The following ATP1A2 variants were observed in gnomAD, a reference collection of about 807,000 sequenced individuals.
ATP1A2 encodes the protein ATPase Na+/K+ transporting subunit alpha 2.
In ATP1A2, 56 loss-of-function variants were observed where a neutral mutation model predicts 113.1. That is an observed-to-expected ratio of 0.49 (90% CI 0.40 to 0.62). The LOEUF (loss-of-function observed/expected upper bound fraction) is 0.62. ATP1A2 is among the 20% of genes least tolerant of loss of function. The probability of loss-of-function intolerance (pLI) is 0.00; values close to 1 mark genes in which losing one functional copy is unlikely to be tolerated. For synonymous variants in ATP1A2, 490 were observed against 526.8 expected (o/e 0.93, Z 0.96); for missense variants, 712 against 1,357.8 (o/e 0.52, Z 7.47).
chr1:160,137,424 C>T (rs1275232650), intron 20 of ATP1A2, among the ~76,000 whole-genome samples: 2 of 152,124 alleles, frequency 1.3e-5, no homozygotes, highest in Non-Finnish European at 2.9e-5. Context: ...CACGTGCTGC[C>T]GAGGGTCGGG....
intron 7 of ATP1A2, among the ~76,000 whole-genome samples, chr1:160,126,283 G>C (rs1017692032): frequency 6.6e-6 from 1 of 152,164 alleles, no homozygotes; most frequent in South Asian, 2.1e-4. Flanking sequence ...TTATAATACC[G>C]AGTGCAATGT....
intron 1 of ATP1A2, among the ~76,000 whole-genome samples, chr1:160,119,256 CAAAAAAA>C (rs386368465): frequency 0.24 from 11,868 of 49,134 alleles, 634 homozygotes; most frequent in South Asian, 0.48. Flanking sequence ...CATTATCCTG[CAAAAAAA>C]AAAAAAAAAA....
intron 6 of ATP1A2, 94 bp downstream of exon 6, chr1:160,124,524 C>A: frequency 6.5e-7 from 1 of 1,537,554 alleles, no homozygotes. Context: ...GGTGGAGAGA[C>A]CCAGGTCCAA....
intron 12 of ATP1A2, 31 bp from the exon 13 acceptor site, chr1:160,130,391 G>T: frequency 6.2e-7 from 1 of 1,614,188 alleles, no homozygotes; most frequent in Non-Finnish European, 8.5e-7. Flanking sequence ...CCACTCTGCG[G>T]ATCTCACTGA....
chr1:160,139,644 A>G lies in ATP1A2; in HGVS notation c.2845A>G (p.Lys949Glu). The change falls in exon 21 of 23, where the codon AAG (lysine) becomes GAG (glutamate). Residue 949 changes from lysine to glutamate, a missense_variant. Physicochemically the swap from Lys to Glu is moderately conservative, Grantham distance 56 (BLOSUM62 1). Around this residue, in one of 6 missense-constraint regions of ATP1A2, gnomAD observed 188 missense variants for 438.9 expected, o/e 0.43. Transcript: ENST00000361216. ...NSVFQQGMKN[K>E]ILIFGLLEET... is the part of the protein sequence containing the mutation. Reference sequence around the variant, plus strand: ...CCTCCTTTCTTTGCCTTTCAGGAACAAGATCCTGATTTTTGGGCTCCTGGA... The same window carrying G: ...CCTCCTTTCTTTGCCTTTCAGGAACGAGATCCTGATTTTTGGGCTCCTGGA... The G allele has an allele frequency of 6.2e-7, 1 of 1,614,076 alleles. No homozygotes were observed. Among genetic ancestry groups the G allele is most frequent in the Non-Finnish European group, 8.5e-7 (1 of 1,179,958 alleles).
intron 6 of ATP1A2, among the ~76,000 whole-genome samples, chr1:160,124,668 A>T (rs1321655): frequency 1.4e-4 from 21 of 152,332 alleles, no homozygotes; most frequent in African/African-American, 4.6e-4. Context: ...TTTAGCAATC[A>T]TGTATTGAAT....
chr1:160,135,620 G>T lies in ATP1A2; in HGVS notation c.2284+18G>T, dbSNP rs369835706. On this transcript the variant is annotated intron_variant, in intron 16 of 22. Coordinates refer to ENST00000361216, the MANE Select transcript of ATP1A2 (RefSeq NM_000702.4). This position sits in a 1 kb window ranked among gnomAD's most constrained non-coding sequence, Gnocchi z 6.3. ...GGAGGAGGGTGAGGAGGCTGCATGG[G>T]TTGGGATGGTTTGCAGGATACTGAA... is the stretch of plus-strand genomic sequence containing the variant. 396 of 1,613,182 alleles carry T rather than the reference G, an allele frequency of 2.5e-4. 1 individual carries two copies. In the African/African-American group the frequency reaches 3.3e-3, roughly 13 times the overall value.
At chr1:160,117,479 T>G (rs1400765787) in intron 1 of ATP1A2, among the ~76,000 whole-genome samples, 1 of 152,106 alleles carries the variant, frequency 6.6e-6, no homozygotes, top group Non-Finnish European at 1.5e-5. Flanking sequence ...CAAACTCCCC[T>G]TAATCACCAT....
At position 160,139,951 on chromosome 1, in the gene ATP1A2, G is replaced by A. The variant is rs753885192; in HGVS notation, c.3001G>A (p.Val1001Ile). The change falls in exon 22 of 23, where the codon GTC becomes ATC. Residue 1001 changes from valine (V) to isoleucine (I), a missense_variant. Transcript: ENST00000361216. ...YSLLIFIYDEVRKLILRRYPG... is the reference protein window; with the variant it reads ...YSLLIFIYDEIRKLILRRYPG... The stretch of plus-strand genomic sequence containing the variant: ...CCTCCTCATCTTCATCTATGATGAG[G>A]TCCGAAAGCTCATCCTGCGGCGGTA... 1 of 1,613,982 alleles carries A rather than the reference G, an allele frequency of 6.2e-7. No homozygotes were observed.
intron 1 of ATP1A2, among the ~76,000 whole-genome samples, chr1:160,118,039 C>T (rs760898406): frequency 2.2e-4 from 33 of 152,054 alleles, no homozygotes; most frequent in Non-Finnish European, 4.9e-4. Flanking sequence ...AGGCTCCTGG[C>T]TGCAGAGCCT....
chr1:160,123,351 G>T lies in ATP1A2; in HGVS notation c.316G>T (p.Ala106Ser). The change falls in exon 4 of 23, where the codon GCT becomes TCT. Residue 106 changes from alanine to serine, a missense_variant. Coordinates refer to ENST00000361216, the MANE Select transcript of ATP1A2 (RefSeq NM_000702.4). ...GGFSILLWIGAILCFLAYGIQ... is the reference protein window; with the variant it reads ...GGFSILLWIGSILCFLAYGIQ... ...GTTCTCCATCCTGCTGTGGATTGGG[G>T]CTATCCTCTGCTTCCTGGCCTACGG... The T allele has an allele frequency of 6.2e-7, 1 of 1,614,184 alleles. No individual in the cohort carries two copies. Among genetic ancestry groups the T allele is most frequent in the African/African-American group, 1.3e-5 (1 of 75,046 alleles).
At position 160,135,664 on chromosome 1, in the gene ATP1A2, T is replaced by C; in HGVS notation, c.2284+62T>C. The C allele has an allele frequency of 6.2e-7, 1 of 1,612,224 alleles. No individual in the cohort carries two copies. The highest frequency in any genetic ancestry group is 2.2e-5 in the East Asian group (1 of 44,860). ...TACTGAAGCCGGCACCTCTGTTCCC[T>C]GTCCCTTTACCCCAGTTGAAGAATC... is the stretch of plus-strand genomic sequence containing the variant. On this transcript the variant is annotated intron_variant, in intron 16 of 22. Transcript: ENST00000361216. This position sits in a 1 kb window ranked among gnomAD's most constrained non-coding sequence, Gnocchi z 6.3.
intron 7 of ATP1A2, 139 bp from the exon 8 acceptor site, chr1:160,127,413 C>T (rs1421039940): frequency 1.7e-6 from 2 of 1,179,680 alleles, no homozygotes; most frequent in Non-Finnish European, 2.4e-6. Flanking sequence ...CAAGTGGGGA[C>T]AACCTACTGA....
intron 13 of ATP1A2, among the ~76,000 whole-genome samples, chr1:160,132,467 G>C (rs1326728277): frequency 6.6e-6 from 1 of 152,160 alleles, no homozygotes; most frequent in African/African-American, 2.4e-5. Flanking sequence ...TTCAGGCAAA[G>C]AATGATGACC....
chr1:160,138,491 G>A (rs1259554035), intron 20 of ATP1A2, among the ~76,000 whole-genome samples: 1 of 152,218 alleles, frequency 6.6e-6, no homozygotes, highest in Non-Finnish European at 1.5e-5. Flanking sequence ...TCCTTAGTGA[G>A]TGAAAATTTG....
Position 160,121,024 on chromosome 1 carries a change from T to G in ATP1A2, c.117+14T>G, listed in dbSNP as rs1392983461. 1.2e-6 allele frequency: 2 copies of G among 1,614,082 alleles called. No homozygotes were observed. The highest frequency in any genetic ancestry group is 1.7e-6 in the Non-Finnish European group (2 of 1,179,928). On this transcript the variant is annotated intron_variant, in intron 2 of 22. Coordinates refer to ENST00000361216, the MANE Select transcript of ATP1A2 (RefSeq NM_000702.4). ...GAGGTGGCAATGGTGAGGGAACTGC[T>G]GGGCCATGGAGGAGGGGCCCCATGC...
Position 160,126,740 on chromosome 1 carries a change from G to C in ATP1A2, c.749-812G>C, listed in dbSNP as rs190663295. Reference sequence around the variant, plus strand: ...CCTGCCTCAGCCTCCCAAAGTGCTGGGATTACAGGCATGAGCCACCGAGCC... The same window carrying C: ...CCTGCCTCAGCCTCCCAAAGTGCTGCGATTACAGGCATGAGCCACCGAGCC... On this transcript the variant is annotated intron_variant, in intron 7 of 22. Coordinates refer to ENST00000361216, the MANE Select transcript of ATP1A2 (RefSeq NM_000702.4). 8.5e-3 allele frequency among the ~76,000 whole-genome samples: 1,295 copies of C among 151,968 alleles called. 6 individuals are homozygous for C. Among genetic ancestry groups the C allele is most frequent in the Middle Eastern group, 0.027 (8 of 294 alleles).
intron 1 of ATP1A2, among the ~76,000 whole-genome samples, chr1:160,116,233 A>AGTCCTC (rs1319053185): frequency 6.6e-6 from 1 of 151,984 alleles, no homozygotes; most frequent in Non-Finnish European, 1.5e-5. Context: ...GATGTTTGGC[A>AGTCCTC]CTGTGAGTCC....
rs1652146882 is a variant in ATP1A2, at chr1:160,141,439, G to A, written c.*117G>A. The stretch of plus-strand genomic sequence containing the variant: ...CATTGGGTGGCAACATTTGGGGAGA[G>A]ATAATGAGGCAACTCAGCAGGCTAA... On this transcript the variant is annotated 3_prime_UTR_variant, in exon 23 of 23. Coordinates refer to ENST00000361216, the MANE Select transcript of ATP1A2 (RefSeq NM_000702.4). 7.4e-7 allele frequency: 1 copy of A among 1,356,376 alleles called. No individual in the cohort carries two copies. Among genetic ancestry groups the A allele is most frequent in the African/African-American group, 1.4e-5 (1 of 69,684 alleles). 84.0% of individuals were successfully genotyped at this position (1,356,376 alleles called of 1,614,324 possible). A position where few individuals can be genotyped will look rare whatever the true frequency, so the allele number is the denominator to read the frequency against.
Sources: allele counts gnomAD v4.1 joint callset (sites outside exome capture counted in the v4.1 genomes callset), GRCh38; gene constraint gnomAD v4.1.1; regional missense constraint gnomAD v4.1.1; non-coding constraint Gnocchi (gnomAD v3.1); transcripts MANE v1.5; gene names NCBI Gene and HGNC (gene_info 2026-07-23, HGNC 2026-07-21).